PAIP2B: variants seen among roughly 807,000 people sequenced by gnomAD.
PAIP2B encodes the protein poly(A) binding protein interacting protein 2B.
Under a neutral mutation model 17.0 loss-of-function variants are expected in PAIP2B, and 13 were observed. That is an observed-to-expected ratio of 0.76 (90% CI 0.50 to 1.22). The LOEUF (loss-of-function observed/expected upper bound fraction) is 1.22. Ranked by LOEUF, PAIP2B falls within the 50% of genes most tolerant of loss-of-function variation. The pLI, the probability that PAIP2B is intolerant of heterozygous loss-of-function variation, is 0.00. For synonymous variants in PAIP2B, 43 were observed against 48.7 expected, an observed-to-expected ratio of 0.88 and a Z score of 0.48; for missense variants, 117 against 144.5, an observed-to-expected ratio of 0.81 and a Z score of 0.98.
chr2:71,192,155 A>G, intron 2 of PAIP2B, among the ~76,000 whole-genome samples: 1 of 152,214 alleles, frequency 6.6e-6, no homozygotes, highest in Admixed American at 6.5e-5. Flanking sequence ...GGAGAGCAGA[A>G]ACTAGATTTT....
At chr2:71,197,006 C>T (rs1674838721) in intron 2 of PAIP2B, among the ~76,000 whole-genome samples, 1 of 152,114 alleles carries the variant, frequency 6.6e-6, no homozygotes, top group South Asian at 2.1e-4. Flanking sequence ...GCATTTAGCT[C>T]ATTTACATTC....
chr2:71,188,745 C>G lies in PAIP2B; in HGVS notation c.316-210G>C, dbSNP rs8179641. 0.056 allele frequency among the ~76,000 whole-genome samples: 8,491 copies of G among 152,238 alleles called. 985 individuals are homozygous for G. In the East Asian group the frequency reaches 0.56, roughly 10 times the overall value. On this transcript the variant is annotated intron_variant, in intron 3 of 3. Transcript: ENST00000244221. ...CCTTCCTTCTTTGGACTCTTGTTTCCTTCCTGATGCTTTCCAAAATCTCAT... is the reference window on the plus strand; with the variant it reads ...CCTTCCTTCTTTGGACTCTTGTTTCGTTCCTGATGCTTTCCAAAATCTCAT...
At chr2:71,202,745 C>T in intron 1 of PAIP2B, 145 bp from the exon 2 acceptor site, 2 of 661,518 alleles carry the variant, frequency 3.0e-6, no homozygotes, top group South Asian at 4.2e-5. Flanking sequence ...GTCTGTAACT[C>T]TTATAAAACC....
At chr2:71,225,692 G>C (rs1675703798) in intron 1 of PAIP2B, among the ~76,000 whole-genome samples, 1 of 152,150 alleles carries the variant, frequency 6.6e-6, no homozygotes, top group African/African-American at 2.4e-5. Flanking sequence ...TCAAAGCTAA[G>C]AGCAGTGCAT....
rs1465476072 is a variant in PAIP2B, at chr2:71,199,550, C to T, written c.138+2902G>A. 2.0e-5 allele frequency among the ~76,000 whole-genome samples: 3 copies of T among 151,460 alleles called. No individual in the cohort carries two copies. The East Asian group carries it at 5.8e-4, about 29-fold the overall frequency. ...TATAATTACACTTCTCCCTTTTTTT[C>T]CCCCTTAACCCAACTGCGTCCTTTT... is the stretch of plus-strand genomic sequence containing the variant. On this transcript the variant is annotated intron_variant, in intron 2 of 3. Coordinates refer to ENST00000244221, the MANE Select transcript of PAIP2B (RefSeq NM_020459.1).
chr2:71,207,379 T>A (rs1446798994), intron 1 of PAIP2B, among the ~76,000 whole-genome samples: 1 of 152,042 alleles, frequency 6.6e-6, no homozygotes, highest in Non-Finnish European at 1.5e-5. Context: ...AGCCAGAGAA[T>A]GACAAGGAAG....
chr2:71,190,122 A>G, intron 2 of PAIP2B, 101 bp from the exon 3 acceptor site: 20 of 1,172,230 alleles, frequency 1.7e-5, no homozygotes, highest in Non-Finnish European at 2.4e-5. Flanking sequence ...TTACTCTGCA[A>G]TTAAGAATGA....
intron 1 of PAIP2B, among the ~76,000 whole-genome samples, chr2:71,216,976 C>G (rs984923264): frequency 3.9e-5 from 6 of 152,164 alleles, no homozygotes; most frequent in African/African-American, 1.4e-4. Context: ...CCAGACTGCT[C>G]TGATACAAAA....
intron 1 of PAIP2B, among the ~76,000 whole-genome samples, chr2:71,205,647 T>C (rs1426924770): frequency 6.6e-6 from 1 of 152,204 alleles, no homozygotes; most frequent in African/African-American, 2.4e-5. Context: ...ACATTCTCTG[T>C]TTCCAGCTCT....
intron 2 of PAIP2B, among the ~76,000 whole-genome samples, chr2:71,196,282 T>C (rs1674815804): frequency 6.6e-6 from 1 of 152,226 alleles, no homozygotes; most frequent in African/African-American, 2.4e-5. Context: ...CTGAAAGTCA[T>C]TCAGGAGTAT....
At chr2:71,207,995 T>C (rs151151057) in intron 1 of PAIP2B, among the ~76,000 whole-genome samples, 3 of 152,160 alleles carry the variant, frequency 2.0e-5, no homozygotes, top group Middle Eastern at 3.4e-3. Flanking sequence ...TGCCTAAATA[T>C]AGGAAGTTGG....
At chr2:71,190,684 T>C (rs1674667070) in intron 2 of PAIP2B, among the ~76,000 whole-genome samples, 1 of 152,204 alleles carries the variant, frequency 6.6e-6, no homozygotes, top group Non-Finnish European at 1.5e-5. Flanking sequence ...AATTCTTTTC[T>C]CAGTCTTGTT....
At chr2:71,199,913 A>G (rs1466003638) in intron 2 of PAIP2B, among the ~76,000 whole-genome samples, 2 of 152,216 alleles carry the variant, frequency 1.3e-5, no homozygotes, top group Non-Finnish European at 2.9e-5. Context: ...ATTCACAATT[A>G]TAACTAGTAT....
chr2:71,186,813 A>C lies in PAIP2B; in HGVS notation c.*1666T>G, dbSNP rs1456852339. The C allele has an allele frequency of 6.6e-6, 1 of 152,224 alleles. No homozygotes were observed. The highest frequency in any genetic ancestry group is 1.5e-5 in the Non-Finnish European group (1 of 68,042). 9.4% of individuals were successfully genotyped at this position (152,224 alleles called of 1,614,324 possible). ...ACTCTCCTATGACATGTGACCTAAC[A>C]AGGAAGGCAATTTTTTCAAATGATA... On this transcript the variant is annotated 3_prime_UTR_variant, in exon 4 of 4. Transcript: ENST00000244221.
chr2:71,209,009 G>A (rs2418895), intron 1 of PAIP2B, among the ~76,000 whole-genome samples: 77,517 of 151,998 alleles, frequency 0.51, 20,480 homozygotes, highest in Middle Eastern at 0.61. Flanking sequence ...TGTCACAGCA[G>A]CCACAGGGAA....
At chr2:71,194,469 G>GTT (rs1413843853) in intron 2 of PAIP2B, among the ~76,000 whole-genome samples, 1 of 130,082 alleles carries the variant, frequency 7.7e-6, no homozygotes, top group Non-Finnish European at 1.7e-5. Context: ...TTGTGTGTGT[G>GTT]TGTGTGTGTG....
intron 1 of PAIP2B, among the ~76,000 whole-genome samples, chr2:71,207,643 A>G (rs1403547734): frequency 6.6e-6 from 1 of 152,218 alleles, no homozygotes; most frequent in Non-Finnish European, 1.5e-5. Flanking sequence ...TCCAGATGAA[A>G]AAAGGGTAGC....
intron 2 of PAIP2B, among the ~76,000 whole-genome samples, chr2:71,199,469 T>C (rs532416855): frequency 1.1e-4 from 16 of 152,208 alleles, no homozygotes; most frequent in Non-Finnish European, 1.9e-4. Context: ...CACTAAGCAT[T>C]TTCCATCTTT....
At chr2:71,191,542 G>A (rs1477226015) in intron 2 of PAIP2B, among the ~76,000 whole-genome samples, 1 of 152,216 alleles carries the variant, frequency 6.6e-6, no homozygotes, top group Non-Finnish European at 1.5e-5. Context: ...ATTGCTGTCT[G>A]TCCCCTTTAA....
Sources: allele counts gnomAD v4.1 joint callset (sites outside exome capture counted in the v4.1 genomes callset), GRCh38; gene constraint gnomAD v4.1.1; transcripts MANE v1.5; gene names NCBI Gene and HGNC (gene_info 2026-07-23, HGNC 2026-07-21).